MICU1: variants seen among roughly 807,000 people sequenced by gnomAD.
The protein encoded by MICU1 is calcium uptake protein 1, mitochondrial.
In MICU1, 45 loss-of-function variants were observed where a neutral mutation model predicts 56.8. That is an observed-to-expected ratio of 0.79 (90% CI 0.62 to 1.02). The LOEUF is 1.02. MICU1 is among the 50% of genes least tolerant of loss of function. MICU1 has a pLI of 0.00. For missense variants in MICU1, 504 were observed against 587.1 expected, an observed-to-expected ratio of 0.86 and a Z score of 1.46; for synonymous variants, 186 against 195.1, an observed-to-expected ratio of 0.95 and a Z score of 0.39.
intron 9 of MICU1, among the ~76,000 whole-genome samples, chr10:72,415,054 T>G (rs1231042009): frequency 6.7e-6 from 1 of 149,926 alleles, no homozygotes; most frequent in Non-Finnish European, 1.5e-5. Context: ...CTCACTCTGT[T>G]GCTTAGGCTG....
chr10:72,423,535 A>G (rs1864247702), intron 8 of MICU1, among the ~76,000 whole-genome samples, 164 bp from the exon 9 acceptor site: 1 of 152,230 alleles, frequency 6.6e-6, no homozygotes, highest in Non-Finnish European at 1.5e-5. Context: ...GAAACAGAAG[A>G]TATAGGTTCT....
At chr10:72,429,391 G>A (rs895511276) in intron 8 of MICU1, among the ~76,000 whole-genome samples, 67 of 142,374 alleles carry the variant, frequency 4.7e-4, no homozygotes, top group Admixed American at 8.8e-4. Context: ...CTGCACTCCA[G>A]CCTGGGTGAC....
intron 8 of MICU1, among the ~76,000 whole-genome samples, chr10:72,454,821 A>G (rs74868628): frequency 0.044 from 6,692 of 151,846 alleles, 414 homozygotes; most frequent in East Asian, 0.19. Context: ...AATATAAAAC[A>G]AAAACTAGTC....
At chr10:72,481,604 G>T (rs1040710136) in intron 6 of MICU1, among the ~76,000 whole-genome samples, 1 of 152,034 alleles carries the variant, frequency 6.6e-6, no homozygotes, top group Non-Finnish European at 1.5e-5. Context: ...TAGAGACGGG[G>T]TTTCACCATA....
intron 6 of MICU1, among the ~76,000 whole-genome samples, chr10:72,507,109 G>T (rs1473434489): frequency 2.0e-5 from 3 of 151,980 alleles, no homozygotes; most frequent in Non-Finnish European, 4.4e-5. Flanking sequence ...ACAGATGGCT[G>T]GCTTGGAGAA....
At chr10:72,622,079 C>A (rs1037667895) in intron 1 of MICU1, among the ~76,000 whole-genome samples, 11 of 151,990 alleles carry the variant, frequency 7.2e-5, no homozygotes, top group Non-Finnish European at 1.5e-5. Context: ...CCACACTCGG[C>A]TAATTTTTTG....
intron 1 of MICU1, among the ~76,000 whole-genome samples, chr10:72,599,814 G>A (rs1042916921): frequency 6.6e-6 from 1 of 152,044 alleles, no homozygotes; most frequent in Non-Finnish European, 1.5e-5. Flanking sequence ...ACCCGCCTAT[G>A]CACACAAACA....
chr10:72,456,986 TTTTG>T (rs1243871324), intron 8 of MICU1, among the ~76,000 whole-genome samples: 3 of 146,172 alleles, frequency 2.1e-5, no homozygotes, highest in South Asian at 4.3e-4. Flanking sequence ...TGTGTGTGTG[TTTTG>T]TTTGTTTGTT....
rs76035327 is a variant in MICU1, at chr10:72,499,847, A to G, written c.652+8308T>C. Among the ~76,000 whole-genome samples, 441 of 152,312 alleles carry G rather than the reference A, an allele frequency of 2.9e-3. 6 individuals carry two copies. The East Asian group carries it at 0.046, about 16-fold the overall frequency. ...TTCATTAGATGGAATGGCACTGATC[A>G]GCACCACACTTTCCAAGTCACATAC... On this transcript the variant is annotated intron_variant, in intron 6 of 11. Coordinates refer to ENST00000361114, the MANE Select transcript of MICU1 (RefSeq NM_001195518.2).
chr10:72,450,610 C>T (rs1350123698), intron 8 of MICU1, among the ~76,000 whole-genome samples: 1 of 152,148 alleles, frequency 6.6e-6, no homozygotes, highest in Non-Finnish European at 1.5e-5. Context: ...TAAATCTTTA[C>T]TAAAACAAAG....
At chr10:72,507,852 A>T (rs1867307606) in intron 6 of MICU1, among the ~76,000 whole-genome samples, 1 of 152,178 alleles carries the variant, frequency 6.6e-6, no homozygotes, top group Non-Finnish European at 1.5e-5. Flanking sequence ...TCCTGAGTTC[A>T]AGTGATCTGC....
At chr10:72,533,239 T>TATAACAAATTA in intron 5 of MICU1, 1 of 793,580 alleles carries the variant, frequency 1.3e-6, no homozygotes, top group Non-Finnish European at 1.8e-6. Flanking sequence ...CTAAGAATAA[T>TATAACAAATTA]TTGTTATATT....
At chr10:72,598,245 T>C (rs753273803) in intron 1 of MICU1, among the ~76,000 whole-genome samples, 23 of 151,982 alleles carry the variant, frequency 1.5e-4, no homozygotes, top group Non-Finnish European at 5.9e-5. Context: ...TTAAACTTCA[T>C]CTTTCAAAAT....
rs141857869 is a variant in MICU1, at chr10:72,537,616, T to G, written c.494-3827A>C. 1.6e-4 allele frequency among the ~76,000 whole-genome samples: 25 copies of G among 152,312 alleles called. No homozygotes were observed. In the East Asian group the frequency reaches 4.8e-3, roughly 29 times the overall value. Reference sequence around the variant, plus strand: ...TATAAACACTACCTTTGCCTTTTTATTGATAAGAAAGCCAAGGCTCAGAAG... The same window carrying G: ...TATAAACACTACCTTTGCCTTTTTAGTGATAAGAAAGCCAAGGCTCAGAAG... On this transcript the variant is annotated intron_variant, in intron 4 of 11. Transcript: ENST00000361114.
At chr10:72,549,297 C>A (rs147226080) in intron 4 of MICU1, among the ~76,000 whole-genome samples, 3,113 of 150,492 alleles carry the variant, frequency 0.021, 42 homozygotes, top group Non-Finnish European at 0.034. Flanking sequence ...CTCAAGCCAT[C>A]CTCCCACCTC....
At chr10:72,602,502 A>G (rs1841566979) in intron 1 of MICU1, among the ~76,000 whole-genome samples, 1 of 152,156 alleles carries the variant, frequency 6.6e-6, no homozygotes. Flanking sequence ...CTATGTAAAT[A>G]TCTTCATTTA....
chr10:72,461,795 C>G (rs1865646513), intron 8 of MICU1, among the ~76,000 whole-genome samples: 1 of 152,118 alleles, frequency 6.6e-6, no homozygotes, highest in Admixed American at 6.5e-5. Flanking sequence ...ACTAACAATA[C>G]ATGAAATTAG....
At chr10:72,381,021 A>G (rs1862684833) in intron 10 of MICU1, among the ~76,000 whole-genome samples, 1 of 152,200 alleles carries the variant, frequency 6.6e-6, no homozygotes, top group South Asian at 2.1e-4. Context: ...GGGACAACTT[A>G]AAAAGTGTAT....
At chr10:72,401,210 T>C (rs1288862363) in intron 10 of MICU1, among the ~76,000 whole-genome samples, 1 of 152,198 alleles carries the variant, frequency 6.6e-6, no homozygotes, top group African/African-American at 2.4e-5. Flanking sequence ...ATGATCTCTA[T>C]TTGCAGATGG....
Sources: allele counts gnomAD v4.1 joint callset (sites outside exome capture counted in the v4.1 genomes callset), GRCh38; gene constraint gnomAD v4.1.1; transcripts MANE v1.5; gene names NCBI Gene and HGNC (gene_info 2026-07-23, HGNC 2026-07-21).